ZNF131: variants seen among roughly 807,000 people sequenced by gnomAD.
ZNF131 encodes zinc finger and BTB domain containing 35.
A neutral mutation model predicts 60.0 loss-of-function variants in ZNF131; 7 were observed. That is an observed-to-expected ratio of 0.12 (90% confidence interval 0.07 to 0.22). The LOEUF is 0.22. Ranked by LOEUF, ZNF131 falls within the 10% of genes least tolerant of loss-of-function variation. The pLI, the probability that ZNF131 is intolerant of heterozygous loss-of-function variation, is 1.00. For missense variants in ZNF131, 493 were observed against 740.9 expected, an observed-to-expected ratio of 0.67 and a Z score of 3.88; for synonymous variants, 257 against 253.2, an observed-to-expected ratio of 1.01 and a Z score of -0.14.
chr5:43,153,666 T>G (rs1748606754), intron 4 of ZNF131, among the ~76,000 whole-genome samples: 1 of 151,668 alleles, frequency 6.6e-6, no homozygotes, highest in Non-Finnish European at 1.5e-5. Flanking sequence ...AAACAAAAAT[T>G]CAGGGCACAG....
In ZNF131 at chr5:43,161,597, G is replaced by A. The variant is rs201737704; in HGVS notation, c.720G>A (p.Thr240=). 5.1e-5 allele frequency: 82 copies of A among 1,614,106 alleles called. No individual in the cohort carries two copies. Among genetic ancestry groups the A allele is most frequent in the African/African-American group, 6.7e-5 (5 of 74,946 alleles). Reference sequence around the variant, plus strand: ...AAGATGGCTGTCCATCTGACCCCACGAGCAAACAGGTAGAAGGTATTGAAA... The same window carrying A: ...AAGATGGCTGTCCATCTGACCCCACAAGCAAACAGGTAGAAGGTATTGAAA... ...IKEDGCPSDP[T]SKQVEGIEIV... The change falls in exon 5 of 7, where the codon ACG becomes ACA. Residue 240 remains threonine, a synonymous_variant. Coordinates refer to ENST00000682664, the MANE Select transcript of ZNF131 (RefSeq NM_001330707.2).
chr5:43,127,536 A>G (rs1467796334), intron 3 of ZNF131, among the ~76,000 whole-genome samples: 1 of 152,228 alleles, frequency 6.6e-6, no homozygotes, highest in Non-Finnish European at 1.5e-5. Flanking sequence ...TGTGCAGTCA[A>G]TGTTGAGGAC....
rs776123557 is a variant in ZNF131, at chr5:43,174,879, G to T, written c.1618G>T (p.Val540Leu). The change falls in exon 7 of 7, where the codon GTA (valine) becomes TTA (leucine). Residue 540 changes from valine (V) to leucine (L), a missense_variant. This residue lies in a region of ZNF131 where 202 missense variants were observed against 221.3 expected (regional missense o/e 0.91). Transcript: ENST00000682664. ...IQTEEGTEVH[V>L]EELHVERVNQ... ...GACTGAAGAAGGTACTGAAGTACAT[G>T]TAGAGGAGCTGCATGTTGAACGGGT... is the stretch of plus-strand genomic sequence containing the variant. 1.9e-6 allele frequency: 3 copies of T among 1,614,194 alleles called. No homozygotes were observed. Among genetic ancestry groups the T allele is most frequent in the East Asian group, 4.5e-5 (2 of 44,888 alleles).
chr5:43,128,606 G>A (rs989979711), intron 3 of ZNF131, among the ~76,000 whole-genome samples: 3 of 143,158 alleles, frequency 2.1e-5, no homozygotes, highest in Non-Finnish European at 4.5e-5. Flanking sequence ...GCAGTGAGCT[G>A]AGATGGCGCC....
chr5:43,139,411 C>T (rs1263574295), intron 4 of ZNF131, 102 bp downstream of exon 4: 2 of 1,204,154 alleles, frequency 1.7e-6, no homozygotes, highest in Non-Finnish European at 2.2e-6. Context: ...GAACAGAGTT[C>T]TTCAGAAGAA....
chr5:43,135,058 G>A (rs1207064274), intron 3 of ZNF131, among the ~76,000 whole-genome samples: 1 of 148,200 alleles, frequency 6.7e-6, no homozygotes, highest in South Asian at 2.1e-4. Flanking sequence ...GAGTGCAATG[G>A]CGCAATCTCG....
chr5:43,121,013 C>G lies in ZNF131; in HGVS notation c.-126C>G, dbSNP rs1405207885. The G allele has an allele frequency of 6.6e-6, 1 of 152,222 alleles. No individual in the cohort carries two copies. Among genetic ancestry groups the G allele is most frequent in the African/African-American group, 2.4e-5 (1 of 41,452 alleles). The allele number at this position is 152,222 out of a possible 1,614,324, so 9.4% of individuals were successfully genotyped here. A position where few individuals can be genotyped will look rare whatever the true frequency, so the allele number is the denominator to read the frequency against. On this transcript the variant is annotated 5_prime_UTR_variant, in exon 1 of 7. Coordinates refer to ENST00000682664, the MANE Select transcript of ZNF131 (RefSeq NM_001330707.2). ...TCTCACGAAGAAAATGGAGGGCGAC[C>G]CACGGGTTAGGGGTCAGGAAAGGCG...
chr5:43,135,984 G>A (rs1212473286), intron 3 of ZNF131, among the ~76,000 whole-genome samples: 1 of 152,050 alleles, frequency 6.6e-6, no homozygotes, highest in African/African-American at 2.4e-5. Context: ...GTATGGTGGT[G>A]CGTGCCTGTA....
chr5:43,158,615 C>G lies in ZNF131; in HGVS notation c.372-2634C>G, dbSNP rs530618835. The stretch of plus-strand genomic sequence containing the variant: ...AGACGTCATCTTAACTCAGTTATAT[C>G]TGCACACTTACTTCCAAATAAGGCC... On this transcript the variant is annotated intron_variant, in intron 4 of 6. Transcript: ENST00000682664. 4.6e-5 allele frequency among the ~76,000 whole-genome samples: 7 copies of G among 152,284 alleles called. No individual in the cohort carries two copies. The East Asian group carries it at 1.2e-3, about 25-fold the overall frequency.
intron 5 of ZNF131, among the ~76,000 whole-genome samples, chr5:43,167,348 T>TG (rs1750492859): frequency 6.6e-6 from 1 of 152,154 alleles, no homozygotes; most frequent in Non-Finnish European, 1.5e-5. Context: ...AATCTTCAGT[T>TG]TTTCAAAAAG....
chr5:43,128,235 AGATGTAT>A (rs1397658263), intron 3 of ZNF131, among the ~76,000 whole-genome samples: 2 of 152,358 alleles, frequency 1.3e-5, no homozygotes, highest in Non-Finnish European at 2.9e-5. Context: ...TAGTCTTGAT[AGATGTAT>A]AATTATTACA....
intron 3 of ZNF131, among the ~76,000 whole-genome samples, chr5:43,134,110 G>A (rs981335783): frequency 6.6e-6 from 1 of 152,122 alleles, no homozygotes; most frequent in Non-Finnish European, 1.5e-5. Context: ...GATGAATATA[G>A]ATGCAAAACT....
At chr5:43,144,237 CTTTTTTTTTTTTT>C (rs935655531) in intron 4 of ZNF131, among the ~76,000 whole-genome samples, 36 of 65,318 alleles carry the variant, frequency 5.5e-4, no homozygotes, top group Middle Eastern at 0.014. Flanking sequence ...TTCTTTCTTT[CTTTTTTTTTTTTT>C]TTTTTTTTTT....
chr5:43,125,896 G>T (rs1165544216), intron 3 of ZNF131, among the ~76,000 whole-genome samples: 1 of 152,194 alleles, frequency 6.6e-6, no homozygotes, highest in Non-Finnish European at 1.5e-5. Flanking sequence ...TAGTCACCTT[G>T]AGATTTAGGT....
At chr5:43,173,233 C>T (rs1361095805) in intron 5 of ZNF131, 85 bp from the exon 6 acceptor site, 9 of 1,312,226 alleles carry the variant, frequency 6.9e-6, no homozygotes, top group East Asian at 5.0e-5. Flanking sequence ...TTAAAATTAC[C>T]CAAAAAGAAA....
At chr5:43,131,975 C>T (rs1745419247) in intron 3 of ZNF131, among the ~76,000 whole-genome samples, 1 of 151,664 alleles carries the variant, frequency 6.6e-6, no homozygotes, top group South Asian at 2.1e-4. Flanking sequence ...AGGAGTCAGA[C>T]CATCTGGTTG....
At chr5:43,163,799 A>G (rs1750038981) in intron 5 of ZNF131, among the ~76,000 whole-genome samples, 2 of 152,230 alleles carry the variant, frequency 1.3e-5, no homozygotes, top group Admixed American at 6.5e-5. Context: ...TAGATAGCCT[A>G]CAGTATTCAG....
At chr5:43,170,975 C>T (rs1423848815) in intron 5 of ZNF131, among the ~76,000 whole-genome samples, 10 of 150,320 alleles carry the variant, frequency 6.7e-5, no homozygotes, top group South Asian at 4.2e-4. Context: ...GACAGAGTCT[C>T]GCTCTGTCGC....
chr5:43,151,221 A>G (rs1561422166), intron 4 of ZNF131, among the ~76,000 whole-genome samples: 1 of 152,150 alleles, frequency 6.6e-6, no homozygotes, highest in East Asian at 1.9e-4. Context: ...ATGTTGTACC[A>G]CTTTTTTAAT....
Sources: gnomAD v4.1 joint callset for allele counts (sites outside exome capture counted in the v4.1 genomes callset) on GRCh38, gnomAD v4.1.1 for gene constraint, gnomAD v4.1.1 regional missense constraint, MANE v1.5 for transcripts, NCBI Gene and HGNC (gene_info 2026-07-23, HGNC 2026-07-21) for gene names.